Variants in SIPA1L3 observed in about 807,000 individuals in gnomAD.
SIPA1L3 encodes signal induced proliferation associated 1 like 3.
A neutral mutation model predicts 150.1 loss-of-function variants in SIPA1L3; 59 were observed. The ratio of observed to expected loss-of-function variants is 0.39; its 90% CI spans 0.32 to 0.49. SIPA1L3 has a LOEUF of 0.49. SIPA1L3 is among the 20% of genes least tolerant of loss of function. SIPA1L3 has a pLI of 0.86. For synonymous variants in SIPA1L3, 1,070 were observed against 1,077.6 expected (o/e 0.99, Z 0.14); for missense variants, 2,211 against 2,489.5 (o/e 0.89, Z 2.38).
intron 2 of SIPA1L3, among the ~76,000 whole-genome samples, chr19:38,061,354 G>A (rs940373073): frequency 2.0e-5 from 3 of 152,008 alleles, no homozygotes; most frequent in Non-Finnish European, 2.9e-5. Context: ...GTGAGCCACC[G>A]TGCCCAGCCT....
chr19:38,044,367 C>T (rs1969001827), intron 2 of SIPA1L3, among the ~76,000 whole-genome samples: 1 of 152,092 alleles, frequency 6.6e-6, no homozygotes, highest in Non-Finnish European at 1.5e-5. Flanking sequence ...GTTGAAATCA[C>T]GAGGAGAGCC....
intron 1 of SIPA1L3, among the ~76,000 whole-genome samples, chr19:37,981,536 C>T (rs888652409): frequency 3.3e-5 from 5 of 152,000 alleles, no homozygotes; most frequent in Non-Finnish European, 7.4e-5. Flanking sequence ...TGATTTTTGT[C>T]ACTTGCAAAT....
chr19:38,129,152 G>A (rs1384714136), intron 9 of SIPA1L3, among the ~76,000 whole-genome samples: 2 of 152,094 alleles, frequency 1.3e-5, no homozygotes, highest in Admixed American at 6.6e-5. Flanking sequence ...CAGCATGCTG[G>A]GGGGAGGGGG....
At position 38,206,544 on chromosome 19, in the gene SIPA1L3, TC is replaced by T; in HGVS notation, c.*306del. 7.4e-6 allele frequency: 2 copies of T among 270,714 alleles called. No homozygotes were observed. Among genetic ancestry groups the T allele is most frequent in the Non-Finnish European group, 1.4e-5 (2 of 144,302 alleles). 16.8% of individuals were successfully genotyped at this position (270,714 alleles called of 1,614,324 possible). A position where few individuals can be genotyped will look rare whatever the true frequency, so the allele number is the denominator to read the frequency against. On this transcript the variant is annotated 3_prime_UTR_variant, in exon 22 of 22. Transcript: ENST00000222345. ...GCCCCGCTGTCCCCATCTAGCCTCT[TC>T]CTGGGACCAGCCCTTCGAAGCTGAT...
At chr19:38,035,979 G>C (rs774697079) in intron 2 of SIPA1L3, among the ~76,000 whole-genome samples, 12 of 152,218 alleles carry the variant, frequency 7.9e-5, no homozygotes, top group Admixed American at 2.0e-4. Context: ...TGTTCTGGGA[G>C]CAGAGTTCAT....
chr19:38,107,488 G>GCTCCTCTCTTGGACCCAC (rs1310627564), intron 7 of SIPA1L3, among the ~76,000 whole-genome samples: 1 of 152,210 alleles, frequency 6.6e-6, no homozygotes, highest in Non-Finnish European at 1.5e-5. Context: ...CTGTGACCCG[G>GCTCCTCTCTTGGACCCAC]CTCCTCTCTT....
chr19:38,174,976 T>C (rs941058832), intron 15 of SIPA1L3, among the ~76,000 whole-genome samples: 3 of 152,190 alleles, frequency 2.0e-5, no homozygotes, highest in Non-Finnish European at 4.4e-5. Context: ...GTATTATGTA[T>C]TGATATTTAT....
At chr19:38,000,743 C>T (rs1461651336) in intron 1 of SIPA1L3, among the ~76,000 whole-genome samples, 1 of 148,352 alleles carries the variant, frequency 6.7e-6, no homozygotes, top group Non-Finnish European at 1.5e-5. Flanking sequence ...TGTCTCTTCC[C>T]CACTTCTCTA....
At chr19:38,042,883 T>G (rs1364234537) in intron 2 of SIPA1L3, among the ~76,000 whole-genome samples, 1 of 152,206 alleles carries the variant, frequency 6.6e-6, no homozygotes, top group Non-Finnish European at 1.5e-5. Flanking sequence ...AAGCCAGTAG[T>G]AAAGATGGCC....
intron 1 of SIPA1L3, among the ~76,000 whole-genome samples, chr19:37,993,777 G>T (rs1239614708): frequency 1.3e-5 from 2 of 152,168 alleles, no homozygotes; most frequent in Non-Finnish European, 2.9e-5. Flanking sequence ...ACGGGGACAG[G>T]TTTCCCAAGG....
intron 4 of SIPA1L3, among the ~76,000 whole-genome samples, chr19:38,091,407 T>A (rs1355901144): frequency 6.6e-6 from 1 of 152,046 alleles, no homozygotes; most frequent in East Asian, 1.9e-4. Flanking sequence ...CATACACATA[T>A]GTATATATAA....
chr19:38,029,456 A>G (rs1329454653), intron 2 of SIPA1L3, among the ~76,000 whole-genome samples: 2 of 152,154 alleles, frequency 1.3e-5, no homozygotes, highest in African/African-American at 4.8e-5. Context: ...TGCTTCCACC[A>G]TCCCCAATAA....
At chr19:37,945,071 A>C (rs1383196722) in intron 1 of SIPA1L3, among the ~76,000 whole-genome samples, 2 of 152,216 alleles carry the variant, frequency 1.3e-5, no homozygotes, top group Admixed American at 6.5e-5. Flanking sequence ...GGGAAAAATA[A>C]TCTAACATAA....
intron 3 of SIPA1L3, 112 bp from the exon 4 acceptor site, chr19:38,088,608 TC>T: frequency 1.5e-6 from 2 of 1,324,126 alleles, no homozygotes; most frequent in Admixed American, 2.2e-5. Flanking sequence ...GTGACCAGCA[TC>T]CCACAGATTG....
rs3083579 is a variant in SIPA1L3, at chr19:37,992,650, TA to T, written c.-378-36421del. Among the ~76,000 whole-genome samples the T allele has an allele frequency of 3.9e-3, 567 of 146,732 alleles. 4 individuals carry two copies. The highest frequency in any genetic ancestry group is 0.011 in the African/African-American group (455 of 39,722). On this transcript the variant is annotated intron_variant, in intron 1 of 21. Transcript: ENST00000222345. ...TGGGCAACAAAGTGACACTCTGTCT[TA>T]AAAAAAAAAAAAAAAAATTATGAAT...
At chr19:37,939,006 T>G (rs902317759) in intron 1 of SIPA1L3, among the ~76,000 whole-genome samples, 16 of 152,226 alleles carry the variant, frequency 1.1e-4, no homozygotes, top group Non-Finnish European at 2.2e-4. Flanking sequence ...CTATTTAACC[T>G]AATAAAAGTT....
chr19:38,097,925 C>T (rs543904316), intron 4 of SIPA1L3, among the ~76,000 whole-genome samples: 2 of 152,290 alleles, frequency 1.3e-5, no homozygotes, highest in Non-Finnish European at 2.9e-5. Context: ...CAAAACAAAC[C>T]ACGAGCTTCG....
At chr19:38,025,116 C>T (rs1364326600) in intron 1 of SIPA1L3, among the ~76,000 whole-genome samples, 1 of 152,178 alleles carries the variant, frequency 6.6e-6, no homozygotes, top group Non-Finnish European at 1.5e-5. Flanking sequence ...TCAGAAATTG[C>T]AGCAAAATGT....
chr19:38,156,309 T>C (rs1180187028), intron 13 of SIPA1L3, among the ~76,000 whole-genome samples: 2 of 151,642 alleles, frequency 1.3e-5, no homozygotes, highest in African/African-American at 4.9e-5. Context: ...AAAGTGTTGC[T>C]TGGCTATTTC....
Sources: allele counts gnomAD v4.1 joint callset (sites outside exome capture counted in the v4.1 genomes callset), GRCh38; gene constraint gnomAD v4.1.1; transcripts MANE v1.5; gene names NCBI Gene and HGNC (gene_info 2026-07-23, HGNC 2026-07-21).